Variants in WWC1 observed in about 807,000 individuals in gnomAD.
WWC1 encodes the protein WW and C2 domain containing 1, also known as protein KIBRA.
In WWC1, 55 loss-of-function variants were observed where a neutral mutation model predicts 138.4. The ratio of observed to expected loss-of-function variants is 0.40; its 90% CI spans 0.32 to 0.50. The LOEUF (loss-of-function observed/expected upper bound fraction) is 0.50, where lower values mean the gene tolerates loss of function less well. WWC1 is among the 20% of genes least tolerant of loss of function. The pLI, the probability that WWC1 is intolerant of heterozygous loss-of-function variation, is 0.72. For missense variants in WWC1, 1,226 were observed against 1,420.4 expected (o/e 0.86, Z 2.20); for synonymous variants, 524 against 564.9 (o/e 0.93, Z 1.03).
intron 2 of WWC1, among the ~76,000 whole-genome samples, chr5:168,376,546 A>C (rs1777183456): frequency 6.6e-6 from 1 of 152,220 alleles, no homozygotes; most frequent in South Asian, 2.1e-4. Flanking sequence ...GATTCTGCCA[A>C]AAGACTTCTA....
chr5:168,450,653 G>A (rs550930835), intron 17 of WWC1, among the ~76,000 whole-genome samples: 4 of 152,204 alleles, frequency 2.6e-5, no homozygotes, highest in South Asian at 2.1e-4. Flanking sequence ...GCAACAGAGC[G>A]AGACTCCATC....
Position 168,466,039 on chromosome 5 carries a change from A to G in WWC1, c.3150+1077A>G, listed in dbSNP as rs1757271546. On this transcript the variant is annotated intron_variant, in intron 21 of 22. Coordinates refer to ENST00000265293, the MANE Select transcript of WWC1 (RefSeq NM_015238.3). Reference sequence around the variant, plus strand: ...GCACGATGGGGAGTCTCTGGGTCAGAGAACTCCAAAGCACAGCAGCAGCTT... The same window carrying G: ...GCACGATGGGGAGTCTCTGGGTCAGGGAACTCCAAAGCACAGCAGCAGCTT... 2.6e-5 allele frequency among the ~76,000 whole-genome samples: 4 copies of G among 152,340 alleles called. No individual in the cohort carries two copies. In the South Asian group the frequency reaches 8.3e-4, roughly 32 times the overall value.
chr5:168,425,829 G>A (rs973034578), intron 11 of WWC1, among the ~76,000 whole-genome samples: 8 of 152,124 alleles, frequency 5.3e-5, no homozygotes, highest in African/African-American at 1.9e-4. Context: ...GATGAAAAAA[G>A]TGAGGCACAG....
chr5:168,311,498 G>A (rs1771080286), intron 1 of WWC1, among the ~76,000 whole-genome samples: 1 of 152,138 alleles, frequency 6.6e-6, no homozygotes, highest in Non-Finnish European at 1.5e-5. Flanking sequence ...AGTCAGTTCT[G>A]CCTCTTACTA....
chr5:168,388,752 C>T (rs1031999248), intron 3 of WWC1, among the ~76,000 whole-genome samples: 2 of 151,734 alleles, frequency 1.3e-5, no homozygotes, highest in African/African-American at 4.8e-5. Context: ...ATTGCCTGAA[C>T]CTGGGAGGCG....
intron 3 of WWC1, among the ~76,000 whole-genome samples, 155 bp from the exon 4 acceptor site, chr5:168,397,569 G>A (rs1014205366): frequency 1.3e-5 from 2 of 152,156 alleles, no homozygotes; most frequent in African/African-American, 4.8e-5. Flanking sequence ...GTTTGCGCGT[G>A]TACCATCTTT....
intron 1 of WWC1, among the ~76,000 whole-genome samples, chr5:168,358,996 C>T (rs1197525547): frequency 1.3e-5 from 2 of 151,438 alleles, no homozygotes; most frequent in Non-Finnish European, 2.9e-5. Context: ...AATGGAATCA[C>T]ACAATATATG....
chr5:168,361,809 C>T (rs1172285416), intron 1 of WWC1, among the ~76,000 whole-genome samples: 6 of 152,128 alleles, frequency 3.9e-5, no homozygotes, highest in Non-Finnish European at 7.4e-5. Flanking sequence ...TCACTGGGTG[C>T]GGTGGCTCAC....
chr5:168,295,740 G>A (rs982538547), intron 1 of WWC1, among the ~76,000 whole-genome samples: 1 of 152,164 alleles, frequency 6.6e-6, no homozygotes, highest in Admixed American at 6.5e-5. Context: ...GAGCTGCTGG[G>A]GGTAGGGAAT....
chr5:168,317,399 T>G (rs1329427912), intron 1 of WWC1, among the ~76,000 whole-genome samples: 1 of 152,124 alleles, frequency 6.6e-6, no homozygotes, highest in African/African-American at 2.4e-5. Context: ...CCTGCCTCCT[T>G]CCTGGAGCTC....
chr5:168,321,752 G>T (rs1456491566), intron 1 of WWC1, among the ~76,000 whole-genome samples: 1 of 152,074 alleles, frequency 6.6e-6, no homozygotes, highest in East Asian at 1.9e-4. Context: ...GGTCAAGCTG[G>T]TCTCAAACTC....
rs1366277612 is a variant in WWC1 at position 168,433,097 on chromosome 5, TCA to T, written c.2280+1656_2280+1657del. On this transcript the variant is annotated intron_variant, in intron 15 of 22. Coordinates refer to ENST00000265293, the MANE Select transcript of WWC1 (RefSeq NM_015238.3). ...GCCTTGCCCTTCCAGCTGTGTCTCC[TCA>T]CAGTCTTCAATTCTTAGTCTCAGTT... 2.6e-5 allele frequency among the ~76,000 whole-genome samples: 4 copies of T among 152,386 alleles called. No individual in the cohort carries two copies. In the East Asian group the frequency reaches 7.7e-4, roughly 29 times the overall value.
intron 5 of WWC1, among the ~76,000 whole-genome samples, chr5:168,399,933 A>T (rs1325145815): frequency 6.6e-6 from 1 of 152,204 alleles, no homozygotes; most frequent in African/African-American, 2.4e-5. Flanking sequence ...TCATATGCAC[A>T]CAAACAAAAT....
chr5:168,364,006 C>G (rs75734378), intron 1 of WWC1, among the ~76,000 whole-genome samples: 2 of 152,140 alleles, frequency 1.3e-5, no homozygotes, highest in East Asian at 3.9e-4. Context: ...CTTCACAACG[C>G]GCAGAACTCT....
chr5:168,421,096 A>G (rs1025287729), intron 9 of WWC1, among the ~76,000 whole-genome samples: 5 of 152,186 alleles, frequency 3.3e-5, no homozygotes, highest in Non-Finnish European at 7.3e-5. Flanking sequence ...CTAATTGGGT[A>G]TGTCCAGTTA....
At chr5:168,373,200 T>C (rs573524060) in intron 2 of WWC1, among the ~76,000 whole-genome samples, 12 of 152,314 alleles carry the variant, frequency 7.9e-5, no homozygotes, top group African/African-American at 2.9e-4. Context: ...TTCCTGTTTC[T>C]AATTGCTGAG....
At position 168,454,282 on chromosome 5, in the gene WWC1, C is replaced by G. The variant is rs561496646; in HGVS notation, c.2658+182C>G. 7.9e-5 allele frequency among the ~76,000 whole-genome samples: 12 copies of G among 152,284 alleles called. No homozygotes were observed. In the South Asian group the frequency reaches 2.5e-3, roughly 32 times the overall value. Reference sequence around the variant, plus strand: ...GTAAACCAGGAGAGGCCAACTCACCCATCTCTTTTCTTCTGCCCTCTGCAT... The same window carrying G: ...GTAAACCAGGAGAGGCCAACTCACCGATCTCTTTTCTTCTGCCCTCTGCAT... On this transcript the variant is annotated intron_variant, in intron 18 of 22. Coordinates refer to ENST00000265293, the MANE Select transcript of WWC1 (RefSeq NM_015238.3).
intron 14 of WWC1, 104 bp from the exon 15 acceptor site, chr5:168,431,148 C>A: frequency 9.9e-7 from 1 of 1,014,856 alleles, no homozygotes; most frequent in Non-Finnish European, 1.5e-6. Flanking sequence ...TACAAACTCT[C>A]ATCCACTGTT....
At chr5:168,387,225 C>T (rs1191925694) in intron 3 of WWC1, among the ~76,000 whole-genome samples, 1 of 152,160 alleles carries the variant, frequency 6.6e-6, no homozygotes, top group Non-Finnish European at 1.5e-5. Flanking sequence ...CAGGGACTAG[C>T]ATCAGGGCAT....
Sources: gnomAD v4.1 joint callset for allele counts (sites outside exome capture counted in the v4.1 genomes callset) on GRCh38, gnomAD v4.1.1 for gene constraint, MANE v1.5 for transcripts, NCBI Gene and HGNC (gene_info 2026-07-23, HGNC 2026-07-21) for gene names.